Variants in SVIL observed in about 807,000 individuals in gnomAD.
The protein encoded by SVIL is supervillin.
In SVIL, 101 loss-of-function variants were observed where a neutral mutation model predicts 240.4. The ratio of observed to expected loss-of-function variants is 0.42; its 90% CI spans 0.36 to 0.50. SVIL has a LOEUF of 0.50. Ranked by LOEUF, SVIL falls within the 20% of genes least tolerant of loss-of-function variation. The pLI is 0.01. For synonymous variants in SVIL, 999 were observed against 1,100.0 expected (o/e 0.91, Z 1.82); for missense variants, 2,512 against 2,818.7 (o/e 0.89, Z 2.46).
At chr10:29,558,821 G>A (rs780767384) in intron 3 of SVIL, among the ~76,000 whole-genome samples, 91 of 150,958 alleles carry the variant, frequency 6.0e-4, no homozygotes, top group African/African-American at 1.8e-3. Context: ...CCAGCTACAC[G>A]GGAGGCTGAG....
At chr10:29,496,245 C>T (rs1434075296) in intron 18 of SVIL, among the ~76,000 whole-genome samples, 1 of 152,210 alleles carries the variant, frequency 6.6e-6, no homozygotes, top group Non-Finnish European at 1.5e-5. Context: ...TCATTATATA[C>T]ATATATTTGA....
At chr10:29,650,850 G>A (rs893398836) in intron 3 of SVIL, among the ~76,000 whole-genome samples, 1 of 152,192 alleles carries the variant, frequency 6.6e-6, no homozygotes, top group African/African-American at 2.4e-5. Flanking sequence ...ATGGGAGGCT[G>A]AGGCATGATG....
rs1277805702 is a variant in SVIL at position 29,488,660 on chromosome 10, T to C, written c.4289A>G (p.Glu1430Gly). 6.2e-7 allele frequency: 1 copy of C among 1,613,080 alleles called. No homozygotes were observed. The highest frequency in any genetic ancestry group is 1.1e-5 in the South Asian group (1 of 90,700). The change falls in exon 23 of 38, where the codon GAA (glutamate) becomes GGA (glycine). Residue 1430 changes from glutamate to glycine, a missense_variant. Around this residue, in one of 3 missense-constraint regions of SVIL, gnomAD observed 272 missense variants for 406.8 expected, o/e 0.67. Coordinates refer to ENST00000355867, the MANE Select transcript of SVIL (RefSeq NM_021738.3). Reference sequence around the variant, plus strand: ...CACGGCGCTGTTGTTAGAGTTCTGTTCCGTCAGGTTGACGCTCCGCAGGCT... The same window carrying C: ...CACGGCGCTGTTGTTAGAGTTCTGTCCCGTCAGGTTGACGCTCCGCAGGCT... ...NVSLRSVNLT[E>G]QNSNNSAVPY...
Position 29,490,930 on chromosome 10 carries a change from G to C in SVIL, c.4109C>G (p.Ala1370Gly). The change falls in exon 22 of 38, where the codon GCA (alanine) becomes GGA (glycine). Residue 1370 changes from alanine (A) to glycine (G), a missense_variant. By Grantham distance (60) the Ala-to-Gly change is moderately conservative. Coordinates refer to ENST00000355867, the MANE Select transcript of SVIL (RefSeq NM_021738.3). ...GTATTCCTGAAGGAGATCTTCTCTT[G>C]CCGCCAGCATTTTCAGGGGGTTTTT... ...ASKNPLKMLA[A>G]REDLLQEYTE... 3 of 1,613,990 alleles carry C rather than the reference G, an allele frequency of 1.9e-6. No homozygotes were observed. Among genetic ancestry groups the C allele is most frequent in the Non-Finnish European group, 8.5e-7 (1 of 1,179,882 alleles).
chr10:29,496,982 T>C (rs1306007438), intron 18 of SVIL, among the ~76,000 whole-genome samples: 2 of 152,194 alleles, frequency 1.3e-5, no homozygotes, highest in African/African-American at 4.8e-5. Context: ...TAAAGAAGGG[T>C]TGGGGCTCAC....
intron 7 of SVIL, among the ~76,000 whole-genome samples, chr10:29,534,530 A>G (rs1270651929): frequency 6.6e-6 from 1 of 152,206 alleles, no homozygotes; most frequent in Non-Finnish European, 1.5e-5. Flanking sequence ...ATAAAAATAA[A>G]GAGAGATTGC....
chr10:29,521,064 A>G (rs1202769745), intron 16 of SVIL, among the ~76,000 whole-genome samples: 1 of 151,974 alleles, frequency 6.6e-6, no homozygotes, highest in Non-Finnish European at 1.5e-5. Flanking sequence ...TCTACTAAAA[A>G]TACAAAAAAT....
chr10:29,493,549 A>C (rs1948161525), intron 20 of SVIL, among the ~76,000 whole-genome samples, 158 bp from the exon 21 acceptor site: 2 of 152,162 alleles, frequency 1.3e-5, no homozygotes, highest in African/African-American at 4.8e-5. Flanking sequence ...CCAGGCCCTT[A>C]CTTAATCTCT....
At chr10:29,581,187 G>T (rs1955931393) in intron 1 of SVIL, among the ~76,000 whole-genome samples, 1 of 152,154 alleles carries the variant, frequency 6.6e-6, no homozygotes, top group Non-Finnish European at 1.5e-5. Flanking sequence ...AGCCATAAAT[G>T]GTATTCTCAT....
At chr10:29,504,986 T>A (rs563940163) in intron 17 of SVIL, among the ~76,000 whole-genome samples, 6 of 152,274 alleles carry the variant, frequency 3.9e-5, no homozygotes, top group South Asian at 2.1e-4. Context: ...TGTGGCACGT[T>A]CAGATAATGA....
intron 12 of SVIL, among the ~76,000 whole-genome samples, chr10:29,529,298 C>A (rs1437113553): frequency 6.6e-6 from 1 of 151,300 alleles, no homozygotes; most frequent in Non-Finnish European, 1.5e-5. Context: ...AATGGTAAGA[C>A]CTCTAGTGTT....
Position 29,613,170 on chromosome 10 carries a change from C to T in SVIL, c.-201+21250G>A, listed in dbSNP as rs181218468. Among the ~76,000 whole-genome samples, 350 of 131,122 alleles carry T rather than the reference C, an allele frequency of 2.7e-3. 5 individuals carry two copies. The East Asian group carries it at 0.033, about 12-fold the overall frequency. 86.0% of individuals were successfully genotyped at this position (131,122 alleles called of 152,430 possible). A position where few individuals can be genotyped will look rare whatever the true frequency, so the allele number is the denominator to read the frequency against. On this transcript the variant is annotated intron_variant, in intron 1 of 37. Transcript: ENST00000355867. ...CAGCCTGGTGACAGAGAGACTCCAT[C>T]TCAAAAAAAAAAAAAAAAAAAGAAG...
intron 1 of SVIL, among the ~76,000 whole-genome samples, chr10:29,724,206 A>G (rs1964150500): frequency 6.8e-6 from 1 of 147,788 alleles, no homozygotes; most frequent in African/African-American, 2.5e-5. Context: ...AAGAAGCCTA[A>G]ATACAAGACA....
intron 3 of SVIL, among the ~76,000 whole-genome samples, chr10:29,653,400 C>A (rs959236355): frequency 6.6e-6 from 1 of 152,242 alleles, no homozygotes; most frequent in African/African-American, 2.4e-5. Context: ...GCCTCTGCAA[C>A]CATGCTTCCT....
At chr10:29,510,227 G>A (rs1949727643) in intron 17 of SVIL, among the ~76,000 whole-genome samples, 3 of 152,198 alleles carry the variant, frequency 2.0e-5, no homozygotes, top group Non-Finnish European at 4.4e-5. Context: ...GACCTAAAAT[G>A]AGATGCTGGC....
At chr10:29,572,763 C>CAAAAAAAAAA (rs375180538) in intron 1 of SVIL, among the ~76,000 whole-genome samples, 73 of 80,854 alleles carry the variant, frequency 9.0e-4, no homozygotes, top group East Asian at 3.4e-3. Context: ...GATCCTATCT[C>CAAAAAAAAAA]AAAAAAAAAA....
rs193222797 is a variant in SVIL at position 29,495,508 on chromosome 10, A to G, written c.3665-327T>C. Among the ~76,000 whole-genome samples the G allele has an allele frequency of 5.1e-3, 776 of 151,792 alleles. 6 individuals are homozygous for G. Among genetic ancestry groups the G allele is most frequent in the African/African-American group, 0.018 (729 of 41,092 alleles). On this transcript the variant is annotated intron_variant, in intron 18 of 37. Coordinates refer to ENST00000355867, the MANE Select transcript of SVIL (RefSeq NM_021738.3). Reference sequence around the variant, plus strand: ...AGTTCTGAGGCCCTTCGGAGATGGCAGGGGCAGCTGAGAGTGCATTGGTGC... The same window carrying G: ...AGTTCTGAGGCCCTTCGGAGATGGCGGGGGCAGCTGAGAGTGCATTGGTGC...
chr10:29,578,329 A>G (rs1390923052), intron 1 of SVIL, among the ~76,000 whole-genome samples: 2 of 152,242 alleles, frequency 1.3e-5, no homozygotes, highest in African/African-American at 4.8e-5. Flanking sequence ...GATGAAGGCA[A>G]TAAGACCTCT....
chr10:29,550,922 G>C lies in SVIL; in HGVS notation c.502C>G (p.Pro168Ala), dbSNP rs372680816. 2.5e-6 allele frequency: 4 copies of C among 1,614,030 alleles called. No individual in the cohort carries two copies. In the South Asian group the frequency reaches 4.4e-5, roughly 18 times the overall value. ...ESSRDASSLY[P>A]GTETMGLRTC... is the part of the protein sequence containing the mutation. ...CTGAGCCCCATCGTCTCGGTCCCGG[G>C]GTACAGAGAACTAGCATCTCTGCTT... is the stretch of plus-strand genomic sequence containing the variant. Residue 168 changes from proline (P) to alanine (A), a missense_variant, in exon 6 of 38, where the codon CCC becomes GCC. This residue lies in a region of SVIL where 1,443 missense variants were observed against 1,486.6 expected (regional missense o/e 0.97). Coordinates refer to ENST00000355867, the MANE Select transcript of SVIL (RefSeq NM_021738.3).
Sources: allele counts gnomAD v4.1 joint callset (sites outside exome capture counted in the v4.1 genomes callset), GRCh38; gene constraint gnomAD v4.1.1; regional missense constraint gnomAD v4.1.1; transcripts MANE v1.5; gene names NCBI Gene and HGNC (gene_info 2026-07-23, HGNC 2026-07-21).